Variants in AGAP1 observed in about 807,000 individuals in gnomAD.
AGAP1 encodes the protein ArfGAP with GTPase domain, ankyrin repeat and PH domain 1.
Under a neutral mutation model 105.3 loss-of-function variants are expected in AGAP1, and 29 were observed. The observed-to-expected ratio is 0.28, with a 90% confidence interval of 0.21 to 0.38. The LOEUF is 0.38. AGAP1 is among the 10% of genes least tolerant of loss of function. AGAP1 has a pLI of 1.00. For synonymous variants in AGAP1, 509 were observed against 485.9 expected, an observed-to-expected ratio of 1.05 and a Z score of -0.63; for missense variants, 998 against 1,165.1, an observed-to-expected ratio of 0.86 and a Z score of 2.09.
At chr2:235,805,917 T>C (rs1304033809) in intron 8 of AGAP1, among the ~76,000 whole-genome samples, 5 of 152,222 alleles carry the variant, frequency 3.3e-5, no homozygotes, top group African/African-American at 7.2e-5. Context: ...TCAGCTCTTA[T>C]CACCATCTGA....
rs1336312810 is a variant in AGAP1 at position 235,717,585 on chromosome 2, A to C, written c.251A>C (p.Lys84Thr). ...ATTGTGGGTAACTTGGCCAGCGGCAAGTCTGCCCTGGTGCACCGGTACCTG... is the reference window on the plus strand; with the variant it reads ...ATTGTGGGTAACTTGGCCAGCGGCACGTCTGCCCTGGTGCACCGGTACCTG... The part of the protein sequence containing the change: ...VGIVGNLASG[K>T]SALVHRYLTG... The change falls in exon 3 of 18, where the codon AAG becomes ACG. Residue 84 changes from lysine to threonine, a missense_variant. By Grantham distance (78) the Lys-to-Thr change is moderately conservative. Around this residue, in one of 3 missense-constraint regions of AGAP1, gnomAD observed 735 missense variants for 833.4 expected, o/e 0.88. Transcript: ENST00000304032. 5.0e-6 allele frequency: 8 copies of C among 1,603,332 alleles called. No homozygotes were observed. Among genetic ancestry groups the C allele is most frequent in the Non-Finnish European group, 6.8e-6 (8 of 1,177,616 alleles).
chr2:235,525,956 C>T (rs1223876443), intron 1 of AGAP1, among the ~76,000 whole-genome samples: 2 of 61,116 alleles, frequency 3.3e-5, no homozygotes, highest in African/African-American at 7.2e-5. Flanking sequence ...AGAGGACTGA[C>T]ACATAATGTG....
At chr2:235,980,232 G>C (rs536341036) in intron 13 of AGAP1, among the ~76,000 whole-genome samples, 1 of 152,182 alleles carries the variant, frequency 6.6e-6, no homozygotes, top group African/African-American at 2.4e-5. Flanking sequence ...TGTGCTCCTC[G>C]AATAGTCGGA....
At chr2:235,505,953 C>T (rs1354435030) in intron 1 of AGAP1, among the ~76,000 whole-genome samples, 8 of 133,370 alleles carry the variant, frequency 6.0e-5, no homozygotes, top group Admixed American at 8.0e-5. Context: ...TTTTTTAAGA[C>T]GGAATCTTGC....
At position 235,662,181 on chromosome 2, in the gene AGAP1, A is replaced by AG. The variant is rs1319053942; in HGVS notation, c.164-46996dup. 6.6e-6 allele frequency among the ~76,000 whole-genome samples: 1 copy of AG among 152,188 alleles called. No individual in the cohort carries two copies. Among genetic ancestry groups the AG allele is most frequent in the Non-Finnish European group, 1.5e-5 (1 of 68,036 alleles). The stretch of plus-strand genomic sequence containing the variant: ...GTGGAGTGGCTGTAAGGCCGTGACC[A>AG]GGAAAAAAGGGACCCAGGGTGGTGG... On this transcript the variant is annotated intron_variant, in intron 1 of 17. Coordinates refer to ENST00000304032, the MANE Select transcript of AGAP1 (RefSeq NM_001037131.3). This position sits in a 1 kb window ranked among gnomAD's most constrained non-coding sequence, Gnocchi z 4.2.
rs2058763211 is a variant in AGAP1, at chr2:236,080,899, C to T, written c.2114+31618C>T. Among the ~76,000 whole-genome samples the T allele has an allele frequency of 6.6e-6, 1 of 152,122 alleles. No homozygotes were observed. On this transcript the variant is annotated intron_variant, in intron 16 of 17. Coordinates refer to ENST00000304032, the MANE Select transcript of AGAP1 (RefSeq NM_001037131.3). The surrounding 1 kb of genome is among the most constrained non-coding windows in gnomAD (Gnocchi z 4.2). The stretch of plus-strand genomic sequence containing the variant: ...TTATAAGGACCCTTGTATATTGGGC[C>T]CACCTGGATAATCCAAGATACTCTC...
At chr2:235,761,952 G>A (rs753754366) in intron 6 of AGAP1, among the ~76,000 whole-genome samples, 5 of 151,702 alleles carry the variant, frequency 3.3e-5, no homozygotes, top group Non-Finnish European at 5.9e-5. Flanking sequence ...TCTACTAAAA[G>A]CAAAAAATTA....
intron 9 of AGAP1, among the ~76,000 whole-genome samples, chr2:235,844,384 C>T (rs77663902): frequency 0.041 from 6,295 of 152,264 alleles, 393 homozygotes; most frequent in African/African-American, 0.14. Flanking sequence ...GCCTCAGTGG[C>T]CTCGTGTTCC....
At chr2:235,969,793 C>T (rs532802434) in intron 13 of AGAP1, among the ~76,000 whole-genome samples, 9 of 152,228 alleles carry the variant, frequency 5.9e-5, no homozygotes, top group East Asian at 3.9e-4. Context: ...AGCTGAAGTT[C>T]GGAGCTCTGA....
chr2:235,803,227 C>A (rs754930748), intron 8 of AGAP1, among the ~76,000 whole-genome samples: 1 of 150,976 alleles, frequency 6.6e-6, no homozygotes, highest in South Asian at 2.1e-4. Context: ...ATGATGCATG[C>A]GGTGTAGTCT....
Position 236,104,459 on chromosome 2 carries a change from G to A in AGAP1, c.2115-15733G>A, listed in dbSNP as rs184897704. Among the ~76,000 whole-genome samples, 17 of 152,372 alleles carry A rather than the reference G, an allele frequency of 1.1e-4. No homozygotes were observed. The East Asian group carries it at 1.7e-3, about 16-fold the overall frequency. On this transcript the variant is annotated intron_variant, in intron 16 of 17. Transcript: ENST00000304032. This position sits in a 1 kb window ranked among gnomAD's most constrained non-coding sequence, Gnocchi z 4.7. Reference sequence around the variant, plus strand: ...CTGCCCCTCGACCAGCACCTGTGCTGTCTGCCCCTCACAAAATCCTTGTCC... The same window carrying A: ...CTGCCCCTCGACCAGCACCTGTGCTATCTGCCCCTCACAAAATCCTTGTCC...
Position 235,709,223 on chromosome 2 carries a change from C to T in AGAP1, c.208C>T (p.Pro70Ser). Residue 70 changes from proline (P) to serine (S), a missense_variant, in exon 2 of 18, where the codon CCG (proline) becomes TCG (serine). By Grantham distance (74) the Pro-to-Ser change is moderately conservative. Coordinates refer to ENST00000304032, the MANE Select transcript of AGAP1 (RefSeq NM_001037131.3). ...GGAATGGACGCTGAGTCGATCTGTC[C>T]CGGAGCTCAAAGTGGTGAGTGGTTC... The part of the protein sequence containing the change: ...SQEWTLSRSV[P>S]ELKVGIVGNL... The T allele has an allele frequency of 6.2e-7, 1 of 1,614,054 alleles. No individual in the cohort carries two copies. Among genetic ancestry groups the T allele is most frequent in the Non-Finnish European group, 8.5e-7 (1 of 1,180,014 alleles).
chr2:235,746,412 A>G (rs868198043), intron 5 of AGAP1, among the ~76,000 whole-genome samples: 1 of 25,234 alleles, frequency 4.0e-5, no homozygotes, highest in Non-Finnish European at 6.9e-5. Context: ...TTTTTTTTTT[A>G]AAGCGTACGT....
At chr2:236,066,829 G>T (rs2125779547) in intron 16 of AGAP1, among the ~76,000 whole-genome samples, 1 of 152,210 alleles carries the variant, frequency 6.6e-6, no homozygotes, top group South Asian at 2.1e-4. Context: ...TTCAGAAGCA[G>T]CCATGAATCT....
chr2:235,516,219 G>A (rs1407196255), intron 1 of AGAP1, among the ~76,000 whole-genome samples: 2 of 152,064 alleles, frequency 1.3e-5, no homozygotes, highest in East Asian at 1.9e-4. Flanking sequence ...CATGCCTGGC[G>A]AATAGTATAT....
At position 235,799,596 on chromosome 2, in the gene AGAP1, A is replaced by G. The variant is rs898684496; in HGVS notation, c.957+74A>G. ...CCATTAACGTAAACCTGGTTGCCACATGGTTCAGTGGTATTTGTAGAATCT... is the reference window on the plus strand; with the variant it reads ...CCATTAACGTAAACCTGGTTGCCACGTGGTTCAGTGGTATTTGTAGAATCT... On this transcript the variant is annotated intron_variant, in intron 8 of 17. Coordinates refer to ENST00000304032, the MANE Select transcript of AGAP1 (RefSeq NM_001037131.3). The surrounding 1 kb of genome is among the most constrained non-coding windows in gnomAD (Gnocchi z 5.0). 1.5e-5 allele frequency: 23 copies of G among 1,507,700 alleles called. No homozygotes were observed. The highest frequency in any genetic ancestry group is 4.1e-5 in the African/African-American group (3 of 72,712). The allele number at this position is 1,507,700 out of a possible 1,614,324, so 93.4% of individuals were successfully genotyped here. A position where few individuals can be genotyped will look rare whatever the true frequency, so the allele number is the denominator to read the frequency against.
intron 1 of AGAP1, 101 bp downstream of exon 1, chr2:235,494,950 G>A: frequency 8.0e-7 from 1 of 1,242,576 alleles, no homozygotes; most frequent in Non-Finnish European, 1.1e-6. Context: ...ACGCCGGCCG[G>A]GGCACGCGGC....
intron 6 of AGAP1, among the ~76,000 whole-genome samples, chr2:235,785,304 TCTG>T (rs1439809223): frequency 1.3e-5 from 2 of 152,212 alleles, no homozygotes; most frequent in African/African-American, 4.8e-5. Flanking sequence ...AACTCCTTCT[TCTG>T]TTGGTGTTCA....
chr2:235,980,072 C>T (rs1274934406), intron 13 of AGAP1, among the ~76,000 whole-genome samples: 1 of 152,178 alleles, frequency 6.6e-6, no homozygotes, highest in Non-Finnish European at 1.5e-5. Context: ...GATCTTATTA[C>T]AGTACTGTGG....
Sources: gnomAD v4.1 joint callset for allele counts (sites outside exome capture counted in the v4.1 genomes callset) on GRCh38, gnomAD v4.1.1 for gene constraint, gnomAD v4.1.1 regional missense constraint, Gnocchi (gnomAD v3.1) non-coding constraint, MANE v1.5 for transcripts, NCBI Gene and HGNC (gene_info 2026-07-23, HGNC 2026-07-21) for gene names.